Variants in ZNF793 observed in about 807,000 individuals in gnomAD.
ZNF793 encodes zinc finger protein 793.
ZNF793 carries 5 observed loss-of-function variants against 12.4 expected under a neutral mutation model. The observed-to-expected ratio is 0.40, with a 90% CI of 0.21 to 0.84. The LOEUF (loss-of-function observed/expected upper bound fraction) is 0.84, where lower values mean the gene tolerates loss of function less well. Among genes scored for constraint, ZNF793 ranks in the 40% least tolerant of loss-of-function variants. The probability of loss-of-function intolerance (pLI) is 0.35; values close to 1 mark genes in which losing one functional copy is unlikely to be tolerated. For synonymous variants in ZNF793, 162 were observed against 172.4 expected, an observed-to-expected ratio of 0.94 and a Z score of 0.47; for missense variants, 456 against 495.0, an observed-to-expected ratio of 0.92 and a Z score of 0.75.
At chr19:37,514,747 T>G (rs1421855459) in intron 2 of ZNF793, among the ~76,000 whole-genome samples, 1 of 152,138 alleles carries the variant, frequency 6.6e-6, no homozygotes, top group Non-Finnish European at 1.5e-5. Flanking sequence ...CCCAACCTTC[T>G]TATGAATGTA....
chr19:37,537,678 T>C lies in ZNF793; in HGVS notation c.1020T>C (p.Arg340=), dbSNP rs1214164644. ...RKMHTGERPY[R]CRECGKSFSQ... is the part of the protein sequence containing the mutation. ...TGCACACAGGAGAAAGACCGTATCG[T>C]TGCAGAGAATGTGGAAAATCCTTCA... The change falls in exon 8 of 8, where the codon CGT becomes CGC. Residue 340 remains arginine, a synonymous_variant. Coordinates refer to ENST00000627814, the MANE Select transcript of ZNF793 (RefSeq NM_001013659.3). 1.4e-5 allele frequency: 22 copies of C among 1,613,468 alleles called. No individual in the cohort carries two copies. Among genetic ancestry groups the C allele is most frequent in the Non-Finnish European group, 1.9e-5 (22 of 1,179,658 alleles).
intron 6 of ZNF793, 37 bp from the exon 7 acceptor site, chr19:37,533,271 G>A (rs1019983304): frequency 1.3e-6 from 2 of 1,595,700 alleles, no homozygotes; most frequent in African/African-American, 1.3e-5. Flanking sequence ...AGACCAAGGA[G>A]CTCAGCCCAA....
rs2042563079 is a variant in ZNF793 at position 37,543,231 on chromosome 19, G to A, written c.*5352G>A. ...AACATTCATTGGTTACCTTGGTGGA[G>A]AAGGGTAATAAGTTTTCTGAATACC... On this transcript the variant is annotated 3_prime_UTR_variant, in exon 8 of 8. Transcript: ENST00000627814. The A allele has an allele frequency of 6.6e-6, 1 of 152,230 alleles. No homozygotes were observed. Among genetic ancestry groups the A allele is most frequent in the Non-Finnish European group, 1.5e-5 (1 of 68,046 alleles). 9.4% of individuals were successfully genotyped at this position (152,230 alleles called of 1,614,324 possible). A position where few individuals can be genotyped will look rare whatever the true frequency, so the allele number is the denominator to read the frequency against.
intron 3 of ZNF793, among the ~76,000 whole-genome samples, chr19:37,521,732 C>T (rs546150332): frequency 2.0e-5 from 3 of 152,044 alleles, no homozygotes; most frequent in South Asian, 2.1e-4. Context: ...CGTGAGCCAC[C>T]GCACCCAGCC....
Position 37,541,097 on chromosome 19 carries a change from AAATAGACTTCGAT to A in ZNF793, c.*3220_*3232del, listed in dbSNP as rs2042549057. 1 of 152,278 alleles carries A rather than the reference AAATAGACTTCGAT, an allele frequency of 6.6e-6. No homozygotes were observed. The highest frequency in any genetic ancestry group is 1.9e-4 in the East Asian group (1 of 5,188). 9.4% of individuals were successfully genotyped at this position (152,278 alleles called of 1,614,324 possible). A position where few individuals can be genotyped will look rare whatever the true frequency, so the allele number is the denominator to read the frequency against. ...CATTAGAACACAGTAGAAAATTCAG[AAATAGACTTCGAT>A]ATATATGAACTTTTTCATATGTGAA... On this transcript the variant is annotated 3_prime_UTR_variant, in exon 8 of 8. Transcript: ENST00000627814.
rs2147115402 is a variant in ZNF793, at chr19:37,537,661, G to A, written c.1003G>A (p.Gly335Arg). ...CAATGTACATCGAAAAATGCACACA[G>A]GAGAAAGACCGTATCGTTGCAGAGA... is the stretch of plus-strand genomic sequence containing the variant. Reference protein sequence around the residue: ...YLNVHRKMHTGERPYRCRECG... With the variant: ...YLNVHRKMHTRERPYRCRECG... The change falls in exon 8 of 8, where the codon GGA (glycine) becomes AGA (arginine). Residue 335 changes from glycine (G) to arginine (R), a missense_variant. Physicochemically the swap from Gly to Arg is moderately radical, Grantham distance 125. Transcript: ENST00000627814. 1.2e-6 allele frequency: 2 copies of A among 1,613,710 alleles called. No homozygotes were observed. The highest frequency in any genetic ancestry group is 1.1e-5 in the South Asian group (1 of 91,074).
intron 5 of ZNF793, among the ~76,000 whole-genome samples, chr19:37,524,937 C>G (rs1448277840): frequency 6.6e-6 from 1 of 152,110 alleles, no homozygotes; most frequent in African/African-American, 2.4e-5. Context: ...GTGTTAGACC[C>G]AAGGCAGAAC....
At position 37,538,544 on chromosome 19, in the gene ZNF793, C is replaced by T. The variant is rs2042530452; in HGVS notation, c.*665C>T. On this transcript the variant is annotated 3_prime_UTR_variant, in exon 8 of 8. Coordinates refer to ENST00000627814, the MANE Select transcript of ZNF793 (RefSeq NM_001013659.3). ...GAACTCCTGACCTCGTGATACCCCC[C>T]AACCCCCCGCCCTTGGCCTCCCAAA... 1 of 152,060 alleles carries T rather than the reference C, an allele frequency of 6.6e-6. No individual in the cohort carries two copies. Among genetic ancestry groups the T allele is most frequent in the South Asian group, 2.1e-4 (1 of 4,820 alleles). The allele number at this position is 152,060 out of a possible 1,614,324, so 9.4% of individuals were successfully genotyped here. A position where few individuals can be genotyped will look rare whatever the true frequency, so the allele number is the denominator to read the frequency against.
intron 2 of ZNF793, among the ~76,000 whole-genome samples, chr19:37,510,064 A>T (rs894094843): frequency 1.3e-5 from 2 of 152,172 alleles, no homozygotes; most frequent in Non-Finnish European, 2.9e-5. Context: ...CCAGGTCATT[A>T]AATATTCCTT....
At chr19:37,528,277 A>G (rs2042431834) in intron 5 of ZNF793, among the ~76,000 whole-genome samples, 3 of 152,140 alleles carry the variant, frequency 2.0e-5, no homozygotes, top group African/African-American at 4.8e-5. Context: ...ATGTGTGCCA[A>G]TACAGACGGA....
At chr19:37,528,561 C>G (rs2042434110) in intron 5 of ZNF793, among the ~76,000 whole-genome samples, 3 of 152,272 alleles carry the variant, frequency 2.0e-5, no homozygotes, top group South Asian at 4.1e-4. Flanking sequence ...GGCCACACCT[C>G]TCTTTTGGCA....
chr19:37,524,371 G>A (rs2042398031), intron 5 of ZNF793, among the ~76,000 whole-genome samples: 1 of 151,894 alleles, frequency 6.6e-6, no homozygotes, highest in African/African-American at 2.4e-5. Flanking sequence ...GTATGCAAGG[G>A]AATATGACTG....
rs886942429 is a variant in ZNF793 at position 37,537,586 on chromosome 19, C to T, written c.928C>T (p.Pro310Ser). 5.6e-6 allele frequency: 9 copies of T among 1,614,030 alleles called. No homozygotes were observed. The highest frequency in any genetic ancestry group is 7.6e-6 in the Non-Finnish European group (9 of 1,180,028). Residue 310 changes from proline (P) to serine (S), a missense_variant, in exon 8 of 8, where the codon CCC (proline) becomes TCC (serine). Transcript: ENST00000627814. ...TCAGAGAACACACACAGGAGAGAGA[C>T]CCTTTGTCTGCAGTGAATGCGGGAA... ...EHQRTHTGER[P>S]FVCSECGKSF...
chr19:37,533,709 A>C (rs1233939038), intron 7 of ZNF793: 1 of 463,996 alleles, frequency 2.2e-6, no homozygotes, highest in African/African-American at 2.0e-5. Context: ...CTGTTGTGAC[A>C]AACTTTCCAG....
At position 37,508,558 on chromosome 19, in the gene ZNF793, T is replaced by C. The variant is rs1385339814; in HGVS notation, c.-276+155T>C. ...CTGCCTCTACTAAAAACACAAAAATTAGCCGGGCGTGGTGGCGGGCGCCTG... is the reference window on the plus strand; with the variant it reads ...CTGCCTCTACTAAAAACACAAAAATCAGCCGGGCGTGGTGGCGGGCGCCTG... On this transcript the variant is annotated intron_variant, in intron 2 of 7. Coordinates refer to ENST00000627814, the MANE Select transcript of ZNF793 (RefSeq NM_001013659.3). 2.6e-5 allele frequency among the ~76,000 whole-genome samples: 4 copies of C among 151,980 alleles called. 1 individual carries two copies. The highest frequency in any genetic ancestry group is 5.9e-5 in the Non-Finnish European group (4 of 68,002).
At chr19:37,533,799 G>A (rs2042481630) in intron 7 of ZNF793, 1 of 368,466 alleles carries the variant, frequency 2.7e-6, no homozygotes. Flanking sequence ...ATGACTGTGG[G>A]ATCAGAGAAG....
At chr19:37,515,016 A>G (rs1568786422) in intron 2 of ZNF793, among the ~76,000 whole-genome samples, 2 of 152,262 alleles carry the variant, frequency 1.3e-5, no homozygotes, top group African/African-American at 4.8e-5. Context: ...TCAAGTGAAA[A>G]GTCAGTAGCA....
intron 7 of ZNF793, 104 bp from the exon 8 acceptor site, chr19:37,536,793 A>T (rs1006268471): frequency 6.1e-6 from 8 of 1,310,274 alleles, no homozygotes; most frequent in Non-Finnish European, 8.2e-6. Flanking sequence ...GCTTTGGGTT[A>T]TGGTTCATGT....
chr19:37,510,759 C>T (rs941245196), intron 2 of ZNF793, among the ~76,000 whole-genome samples: 1 of 150,998 alleles, frequency 6.6e-6, no homozygotes. Context: ...TGCAGTGGCA[C>T]GATCTCGGCT....
Sources: gnomAD v4.1 joint callset for allele counts (sites outside exome capture counted in the v4.1 genomes callset) on GRCh38, gnomAD v4.1.1 for gene constraint, MANE v1.5 for transcripts, NCBI Gene and HGNC (gene_info 2026-07-23, HGNC 2026-07-21) for gene names.